The following EIF2A variants were observed in gnomAD, a reference collection of about 807,000 sequenced individuals.
EIF2A encodes eukaryotic translation initiation factor 2A, also known as 65 kDa eukaryotic translation initiation factor 2A.
Under a neutral mutation model 75.2 loss-of-function variants are expected in EIF2A, and 62 were observed. The ratio of observed to expected loss-of-function variants is 0.82; its 90% confidence interval spans 0.67 to 1.02. The LOEUF (loss-of-function observed/expected upper bound fraction) is 1.02. Among genes scored for constraint, EIF2A ranks in the 50% least tolerant of loss-of-function variants. The pLI is 0.00. For synonymous variants in EIF2A, 207 were observed against 239.0 expected (o/e 0.87, Z 1.23); for missense variants, 611 against 677.7 (o/e 0.90, Z 1.09).
At chr3:150,580,520 C>G (rs1168880753) in intron 11 of EIF2A, among the ~76,000 whole-genome samples, 1 of 152,208 alleles carries the variant, frequency 6.6e-6, no homozygotes, top group African/African-American at 2.4e-5. Flanking sequence ...ACGGCTATAA[C>G]TTGCAGTTCA....
At position 150,585,808 on chromosome 3, in the gene EIF2A, T is replaced by C. The variant is rs187608491; in HGVS notation, c.*1897T>C. ...AGTGTGTTTGAATGAGGTGAAGAGGTTGGGGACTTCGTGATGGGATTATTG... is the reference window on the plus strand; with the variant it reads ...AGTGTGTTTGAATGAGGTGAAGAGGCTGGGGACTTCGTGATGGGATTATTG... On this transcript the variant is annotated 3_prime_UTR_variant, in exon 14 of 14. Transcript: ENST00000460851. 1.9e-3 allele frequency among the ~76,000 whole-genome samples: 293 copies of C among 151,922 alleles called. 8 individuals are homozygous for C. Among genetic ancestry groups the C allele is most frequent in the Admixed American group, 0.017 (256 of 15,266 alleles).
Position 150,567,773 on chromosome 3 carries a change from G to T in EIF2A, c.549+7G>T, listed in dbSNP as rs1232613985. On this transcript the variant is annotated splice_region_variant and intron_variant, in intron 7 of 13. Coordinates refer to ENST00000460851, the MANE Select transcript of EIF2A (RefSeq NM_032025.5). ...TGGACCCCAACCATACAAGGTAATT[G>T]CTGTTTTTGTTTATGTGTAATATTA... The T allele has an allele frequency of 2.6e-6, 4 of 1,566,966 alleles. No individual in the cohort carries two copies. Among genetic ancestry groups the T allele is most frequent in the Non-Finnish European group, 3.5e-6 (4 of 1,155,874 alleles).
intron 2 of EIF2A, among the ~76,000 whole-genome samples, chr3:150,556,715 A>G (rs1435768306): frequency 6.6e-6 from 1 of 152,156 alleles, no homozygotes; most frequent in Non-Finnish European, 1.5e-5. Context: ...TATGTTTGAA[A>G]TTTTTCATTC....
chr3:150,558,066 G>A lies in EIF2A; in HGVS notation c.99-322G>A, dbSNP rs559917721. Reference sequence around the variant, plus strand: ...GAATATTCCCAAGTAGTTAGGTGAAGAGCCTCTTATTTTTGTTATACTTTC... The same window carrying A: ...GAATATTCCCAAGTAGTTAGGTGAAAAGCCTCTTATTTTTGTTATACTTTC... On this transcript the variant is annotated intron_variant, in intron 2 of 13. Transcript: ENST00000460851. Among the ~76,000 whole-genome samples the A allele has an allele frequency of 7.2e-5, 11 of 152,316 alleles. No homozygotes were observed. In the South Asian group the frequency reaches 1.4e-3, roughly 20 times the overall value.
chr3:150,571,846 A>G, intron 9 of EIF2A, 112 bp from the exon 10 acceptor site: 4 of 938,360 alleles, frequency 4.3e-6, no homozygotes, highest in Non-Finnish European at 6.2e-6. Flanking sequence ...ACATTCCTTG[A>G]AATTTTTTTA....
chr3:150,564,650 CTG>C, intron 6 of EIF2A: 1 of 247,474 alleles, frequency 4.0e-6, no homozygotes, highest in Non-Finnish European at 7.7e-6. Context: ...TATTGAAATT[CTG>C]TGACACAAAT....
At chr3:150,559,279 A>C (rs1723725653) in intron 3 of EIF2A, among the ~76,000 whole-genome samples, 1 of 152,200 alleles carries the variant, frequency 6.6e-6, no homozygotes. Flanking sequence ...GAACATGTTG[A>C]ATTAGTTGAT....
At chr3:150,571,900 C>T (rs1409368417) in intron 9 of EIF2A, 58 bp from the exon 10 acceptor site, 1 of 1,473,950 alleles carries the variant, frequency 6.8e-7, no homozygotes, top group Non-Finnish European at 9.1e-7. Context: ...GTAACTTTTG[C>T]TAACAAATAT....
At chr3:150,556,427 C>T (rs116302672) in intron 2 of EIF2A, among the ~76,000 whole-genome samples, 188 of 152,214 alleles carry the variant, frequency 1.2e-3, no homozygotes, top group African/African-American at 4.0e-3. Context: ...ACCCAGATAT[C>T]CAATCCAAGT....
At chr3:150,552,182 T>C (rs1289346019) in intron 1 of EIF2A, among the ~76,000 whole-genome samples, 174 bp from the exon 2 acceptor site, 1 of 152,244 alleles carries the variant, frequency 6.6e-6, no homozygotes, top group Non-Finnish European at 1.5e-5. Flanking sequence ...TATATGATTT[T>C]ATGTAACAGA....
intron 10 of EIF2A, 96 bp downstream of exon 10, chr3:150,572,625 C>G: frequency 2.5e-6 from 3 of 1,208,342 alleles, no homozygotes; most frequent in Non-Finnish European, 3.5e-6. Flanking sequence ...GAGGCCGAGG[C>G]GGGAGGATCA....
At chr3:150,563,426 G>C in intron 4 of EIF2A, 89 bp from the exon 5 acceptor site, 1 of 982,702 alleles carries the variant, frequency 1.0e-6, no homozygotes, top group East Asian at 2.8e-5. Flanking sequence ...CCATTTGATA[G>C]TAATCCATAT....
chr3:150,560,888 A>T (rs1460647849), intron 3 of EIF2A, among the ~76,000 whole-genome samples: 1 of 152,190 alleles, frequency 6.6e-6, no homozygotes, highest in Non-Finnish European at 1.5e-5. Context: ...TGTAAAACAG[A>T]AATGATGACA....
chr3:150,571,631 A>G (rs2107947568), intron 9 of EIF2A, among the ~76,000 whole-genome samples: 1 of 152,274 alleles, frequency 6.6e-6, no homozygotes, highest in Non-Finnish European at 1.5e-5. Flanking sequence ...TAAACAAATA[A>G]ATAAATAAAT....
At chr3:150,561,372 G>T (rs1483604353) in intron 3 of EIF2A, among the ~76,000 whole-genome samples, 1 of 152,214 alleles carries the variant, frequency 6.6e-6, no homozygotes, top group Non-Finnish European at 1.5e-5. Flanking sequence ...GAGGTCAGGA[G>T]TTCAAGGCCA....
intron 11 of EIF2A, among the ~76,000 whole-genome samples, chr3:150,578,233 AT>A (rs1374113773): frequency 1.3e-5 from 2 of 150,790 alleles, no homozygotes; most frequent in Non-Finnish European, 3.0e-5. Flanking sequence ...CTGGACTAAG[AT>A]TCCTTTATAC....
At chr3:150,576,046 C>G (rs961920308) in intron 11 of EIF2A, among the ~76,000 whole-genome samples, 4 of 152,064 alleles carry the variant, frequency 2.6e-5, no homozygotes, top group African/African-American at 9.7e-5. Context: ...CATCACTGCA[C>G]TCTAGCCTTC....
intron 2 of EIF2A, among the ~76,000 whole-genome samples, 151 bp from the exon 3 acceptor site, chr3:150,558,236 AT>A (rs1434482137): frequency 2.6e-5 from 4 of 152,350 alleles, no homozygotes; most frequent in Non-Finnish European, 1.5e-5. Context: ...ATTTTAAAGT[AT>A]TTTGGCAGAT....
At chr3:150,551,365 A>G (rs1723306426) in intron 1 of EIF2A, among the ~76,000 whole-genome samples, 1 of 151,956 alleles carries the variant, frequency 6.6e-6, no homozygotes, top group Non-Finnish European at 1.5e-5. Flanking sequence ...TTTTTTTCCC[A>G]CTAAGCATTT....
Sources: allele counts gnomAD v4.1 joint callset (sites outside exome capture counted in the v4.1 genomes callset), GRCh38; gene constraint gnomAD v4.1.1; transcripts MANE v1.5; gene names NCBI Gene and HGNC (gene_info 2026-07-23, HGNC 2026-07-21).